C9: variants seen among roughly 807,000 people sequenced by gnomAD.
C9 encodes complement component C9.
C9 carries 63 observed loss-of-function variants against 65.4 expected under a neutral mutation model. That is an observed-to-expected ratio of 0.96 (90% confidence interval 0.79 to 1.19). The LOEUF is 1.19. C9 is among the 50% of genes most tolerant of loss of function. The probability of loss-of-function intolerance (pLI) is 0.00; values close to 1 mark genes in which losing one functional copy is unlikely to be tolerated. For synonymous variants in C9, 229 were observed against 227.9 expected (o/e 1.00, Z -0.04); for missense variants, 744 against 670.1 (o/e 1.11, Z -1.22).
chr5:39,360,429 C>T (rs1310436182), intron 1 of C9, among the ~76,000 whole-genome samples: 1 of 152,104 alleles, frequency 6.6e-6, no homozygotes, highest in African/African-American at 2.4e-5. Context: ...TTCTAAACCC[C>T]AATCTAGTAC....
chr5:39,292,890 GAC>G (rs966152028), intron 9 of C9, among the ~76,000 whole-genome samples: 3 of 96,476 alleles, frequency 3.1e-5, no homozygotes, highest in African/African-American at 8.9e-5. Context: ...TTTTAAAAGA[GAC>G]ATGAGTAATA....
chr5:39,319,962 T>G (rs1333194904), intron 5 of C9, among the ~76,000 whole-genome samples: 6 of 152,178 alleles, frequency 3.9e-5, no homozygotes, highest in African/African-American at 1.4e-4. Flanking sequence ...CAAGCCTGCT[T>G]GTGGACCATG....
intron 7 of C9, among the ~76,000 whole-genome samples, chr5:39,310,022 T>G: frequency 6.6e-6 from 1 of 152,086 alleles, no homozygotes; most frequent in East Asian, 1.9e-4. Flanking sequence ...GCAACTTCAC[T>G]ATGCTGTGGA....
intron 5 of C9, among the ~76,000 whole-genome samples, chr5:39,331,018 G>C (rs1377214967): frequency 4.6e-5 from 7 of 152,028 alleles, no homozygotes; most frequent in Non-Finnish European, 8.8e-5. Flanking sequence ...GTAGCTCCTG[G>C]GTCAGAGCAA....
chr5:39,311,133 A>C lies in C9; in HGVS notation c.1111+4T>G. The C allele has an allele frequency of 6.2e-7, 1 of 1,613,346 alleles. No homozygotes were observed. ...TGAAGTCAGAGCTCTATTTCTAGGC[A>C]TACCTTTCCGCTTCATGGAAGCTTT... On this transcript the variant is annotated splice_donor_region_variant and intron_variant, in intron 7 of 10. Transcript: ENST00000263408.
chr5:39,330,812 T>C (rs1189376312), intron 5 of C9, among the ~76,000 whole-genome samples: 2 of 152,206 alleles, frequency 1.3e-5, no homozygotes, highest in East Asian at 1.9e-4. Flanking sequence ...TTAGCATTCA[T>C]GAGAAAACAT....
chr5:39,341,485 G>C (rs990307488), intron 3 of C9, 71 bp downstream of exon 3: 11 of 1,531,388 alleles, frequency 7.2e-6, no homozygotes, highest in Non-Finnish European at 8.1e-6. Context: ...AGAAGCATAT[G>C]CTTTTTTTTT....
intron 1 of C9, among the ~76,000 whole-genome samples, chr5:39,357,334 G>A (rs532229721): frequency 6.6e-6 from 1 of 152,328 alleles, no homozygotes; most frequent in South Asian, 2.1e-4. Flanking sequence ...AACTCGTCAA[G>A]ATGAAAAGAT....
intron 1 of C9, among the ~76,000 whole-genome samples, chr5:39,352,414 G>A (rs1023992300): frequency 1.3e-5 from 2 of 152,174 alleles, no homozygotes; most frequent in Non-Finnish European, 2.9e-5. Context: ...ATGACTTACT[G>A]AACTCAATGC....
intron 3 of C9, 21 bp downstream of exon 3, chr5:39,341,535 C>G: frequency 6.2e-7 from 1 of 1,612,484 alleles, no homozygotes; most frequent in Non-Finnish European, 8.5e-7. Flanking sequence ...CCACAATGAG[C>G]AATTCAAGCA....
chr5:39,319,549 C>T (rs1376729843), intron 5 of C9, among the ~76,000 whole-genome samples: 1 of 152,172 alleles, frequency 6.6e-6, no homozygotes, highest in African/African-American at 2.4e-5. Context: ...TTCAGGCCAG[C>T]TTCCATGACC....
At chr5:39,343,575 C>T (rs907659558) in intron 1 of C9, among the ~76,000 whole-genome samples, 13 of 152,236 alleles carry the variant, frequency 8.5e-5, no homozygotes, top group African/African-American at 2.9e-4. Context: ...GCCTGCCTGC[C>T]TCTGTAGAGT....
chr5:39,301,781 T>C (rs1343647673), intron 9 of C9, among the ~76,000 whole-genome samples: 1 of 152,098 alleles, frequency 6.6e-6, no homozygotes, highest in Non-Finnish European at 1.5e-5. Context: ...TATGCTCATA[T>C]ATGGAATATA....
At chr5:39,343,016 A>G (rs1456429218) in intron 1 of C9, among the ~76,000 whole-genome samples, 1 of 152,166 alleles carries the variant, frequency 6.6e-6, no homozygotes, top group Non-Finnish European at 1.5e-5. Flanking sequence ...CTGACCTGAC[A>G]CTGATCCTTC....
Position 39,284,885 on chromosome 5 carries a change from A to T in C9, c.*314T>A, listed in dbSNP as rs73749491. ...TTTGAAAATTACTTTGAAGTTTTTTAAACCAACATTCTGTTTTTAATTTAA... is the reference window on the plus strand; with the variant it reads ...TTTGAAAATTACTTTGAAGTTTTTTTAACCAACATTCTGTTTTTAATTTAA... On this transcript the variant is annotated 3_prime_UTR_variant, in exon 11 of 11. Coordinates refer to ENST00000263408, the MANE Select transcript of C9 (RefSeq NM_001737.5). 2.6e-3 allele frequency: 957 copies of T among 363,718 alleles called. 8 individuals are homozygous for T. The highest frequency in any genetic ancestry group is 0.018 in the African/African-American group (858 of 48,058). The allele number at this position is 363,718 out of a possible 1,614,324, so 22.5% of individuals were successfully genotyped here.
At chr5:39,314,135 G>T (rs184853592) in intron 6 of C9, among the ~76,000 whole-genome samples, 29 of 152,100 alleles carry the variant, frequency 1.9e-4, no homozygotes, top group African/African-American at 7.0e-4. Flanking sequence ...ATATAATAGA[G>T]AATGTCAATC....
At chr5:39,362,964 TC>T (rs996877425) in intron 1 of C9, among the ~76,000 whole-genome samples, 3 of 152,096 alleles carry the variant, frequency 2.0e-5, no homozygotes, top group Non-Finnish European at 4.4e-5. Flanking sequence ...TTTCCGGTCC[TC>T]CCTGAAACAG....
rs1250764119 is a variant in C9 at position 39,284,497 on chromosome 5, T to C, written c.*702A>G. Reference sequence around the variant, plus strand: ...AGAAGGAATTTCACATAATTTAAACTAATAGTTTATGTTCATTCTATTCTG... The same window carrying C: ...AGAAGGAATTTCACATAATTTAAACCAATAGTTTATGTTCATTCTATTCTG... On this transcript the variant is annotated 3_prime_UTR_variant, in exon 11 of 11. Transcript: ENST00000263408. 2.0e-5 allele frequency: 3 copies of C among 152,362 alleles called. No homozygotes were observed. The highest frequency in any genetic ancestry group is 3.9e-4 in the East Asian group (2 of 5,194). 9.4% of individuals were successfully genotyped at this position (152,362 alleles called of 1,614,324 possible).
chr5:39,295,736 A>G (rs1338129029), intron 9 of C9, among the ~76,000 whole-genome samples: 1 of 151,698 alleles, frequency 6.6e-6, no homozygotes, highest in African/African-American at 2.4e-5. Flanking sequence ...AAACAACAAC[A>G]ACAACAAAAA....
Sources: allele counts gnomAD v4.1 joint callset (sites outside exome capture counted in the v4.1 genomes callset), GRCh38; gene constraint gnomAD v4.1.1; transcripts MANE v1.5; gene names NCBI Gene and HGNC (gene_info 2026-07-23, HGNC 2026-07-21).